Variants in DPP8 observed in about 807,000 individuals in gnomAD.
The protein encoded by DPP8 is dipeptidyl peptidase 8.
Under a neutral mutation model 107.5 loss-of-function variants are expected in DPP8, and 31 were observed. The ratio of observed to expected loss-of-function variants is 0.29; its 90% CI spans 0.22 to 0.39. The LOEUF is 0.39. DPP8 is among the 10% of genes least tolerant of loss of function. DPP8 has a pLI of 1.00. For synonymous variants in DPP8, 381 were observed against 356.6 expected (o/e 1.07, Z -0.77); for missense variants, 842 against 1,076.1 (o/e 0.78, Z 3.04).
chr15:65,492,747 AC>A (rs1014622172), intron 5 of DPP8, among the ~76,000 whole-genome samples: 1 of 151,874 alleles, frequency 6.6e-6, no homozygotes, highest in African/African-American at 2.4e-5. Context: ...GGCATATGTC[AC>A]TAAGCCCAGC....
intron 10 of DPP8, among the ~76,000 whole-genome samples, chr15:65,479,704 C>A (rs1482882211): frequency 6.6e-6 from 1 of 151,096 alleles, no homozygotes; most frequent in Non-Finnish European, 1.5e-5. Flanking sequence ...ATTAGCCGGG[C>A]GCGGTGGCGG....
chr15:65,471,394 T>C (rs1383265106), intron 12 of DPP8, among the ~76,000 whole-genome samples: 1 of 152,108 alleles, frequency 6.6e-6, no homozygotes, highest in East Asian at 1.9e-4. Flanking sequence ...ACACCCAGGC[T>C]ATAGCATAGC....
intron 12 of DPP8, among the ~76,000 whole-genome samples, chr15:65,470,560 C>T (rs189741764): frequency 1.4e-5 from 2 of 145,180 alleles, no homozygotes; most frequent in East Asian, 2.1e-4. Flanking sequence ...GAGCCAACAT[C>T]GCACCATTGC....
chr15:65,496,386 A>C (rs1329512698), intron 5 of DPP8, among the ~76,000 whole-genome samples: 3 of 152,188 alleles, frequency 2.0e-5, no homozygotes, highest in Admixed American at 6.5e-5. Context: ...AAAGTTAGAC[A>C]AAAGAATTTT....
chr15:65,510,141 C>T (rs2070577340), intron 2 of DPP8, among the ~76,000 whole-genome samples: 2 of 151,920 alleles, frequency 1.3e-5, no homozygotes, highest in South Asian at 2.1e-4. Context: ...TGGCGAAACC[C>T]GTCTCTACAA....
chr15:65,498,291 G>A (rs1350887841), intron 4 of DPP8, among the ~76,000 whole-genome samples: 1 of 151,978 alleles, frequency 6.6e-6, no homozygotes, highest in Non-Finnish European at 1.5e-5. Flanking sequence ...GCATAGTGGT[G>A]GGCACCTGTA....
At chr15:65,504,538 C>T (rs1260714929) in intron 3 of DPP8, among the ~76,000 whole-genome samples, 1 of 146,528 alleles carries the variant, frequency 6.8e-6, no homozygotes, top group Middle Eastern at 3.5e-3. Flanking sequence ...GGCCTGGTGG[C>T]GCACGCTATA....
intron 7 of DPP8, among the ~76,000 whole-genome samples, chr15:65,487,000 A>G (rs1014668562): frequency 1.3e-5 from 2 of 151,734 alleles, no homozygotes; most frequent in African/African-American, 4.9e-5. Flanking sequence ...AATAAAAAAA[A>G]GGGGGGCTGA....
chr15:65,487,873 A>G, intron 6 of DPP8, 55 bp from the exon 7 acceptor site: 1 of 1,215,322 alleles, frequency 8.2e-7, no homozygotes, highest in Non-Finnish European at 1.2e-6. Flanking sequence ...GAGAGTAGTC[A>G]TAACCAACCG....
chr15:65,505,677 G>A (rs2069871535), intron 3 of DPP8, among the ~76,000 whole-genome samples: 1 of 152,152 alleles, frequency 6.6e-6, no homozygotes, highest in Non-Finnish European at 1.5e-5. Context: ...GTGGCCAGGT[G>A]CAGTGGCTCA....
chr15:65,507,143 T>C (rs2070134413), intron 3 of DPP8, 100 bp downstream of exon 3: 5 of 593,860 alleles, frequency 8.4e-6, no homozygotes, highest in South Asian at 3.4e-5. Flanking sequence ...CTTAATTTTT[T>C]TTATTTACAT....
intron 15 of DPP8, chr15:65,459,463 C>G (rs2064730127): frequency 6.6e-6 from 1 of 152,148 alleles, no homozygotes; most frequent in Admixed American, 6.6e-5. Flanking sequence ...CCACCACACC[C>G]AGCCCAGATT....
chr15:65,483,789 G>A (rs2067156516), intron 8 of DPP8, among the ~76,000 whole-genome samples: 1 of 151,948 alleles, frequency 6.6e-6, no homozygotes, highest in Non-Finnish European at 1.5e-5. Context: ...CATACTCATG[G>A]CAGCATTATT....
intron 1 of DPP8, among the ~76,000 whole-genome samples, chr15:65,513,661 C>A (rs1224392585): frequency 6.6e-6 from 1 of 152,116 alleles, no homozygotes; most frequent in Non-Finnish European, 1.5e-5. Context: ...ATATTTGTAC[C>A]AACAGTATTT....
Position 65,456,935 on chromosome 15 carries a change from C to G in DPP8, c.1972-564G>C, listed in dbSNP as rs189459403. Among the ~76,000 whole-genome samples, 528 of 152,322 alleles carry G rather than the reference C, an allele frequency of 3.5e-3. 2 individuals carry two copies. The highest frequency in any genetic ancestry group is 0.012 in the African/African-American group (498 of 41,580). ...CCAGGAACTTGACATTTACCGTTTT[C>G]TGTGTCTGGAATGCTTTTCTCTCAC... On this transcript the variant is annotated intron_variant, in intron 15 of 19. Coordinates refer to ENST00000300141, the MANE Select transcript of DPP8 (RefSeq NM_130434.5).
chr15:65,511,060 C>T (rs559601139), intron 2 of DPP8, among the ~76,000 whole-genome samples: 3 of 152,140 alleles, frequency 2.0e-5, no homozygotes, highest in African/African-American at 7.2e-5. Context: ...TAATATCAAT[C>T]AAAATTCAAA....
At chr15:65,479,641 G>A (rs1010284664) in intron 10 of DPP8, among the ~76,000 whole-genome samples, 6 of 151,486 alleles carry the variant, frequency 4.0e-5, no homozygotes, top group African/African-American at 1.2e-4. Flanking sequence ...TCAGGAGATC[G>A]AGACCATCCT....
chr15:65,486,750 A>G (rs1274296263), intron 7 of DPP8, among the ~76,000 whole-genome samples: 1 of 152,218 alleles, frequency 6.6e-6, no homozygotes, highest in Non-Finnish European at 1.5e-5. Flanking sequence ...ACCAAGTATC[A>G]TGTTCTCACT....
intron 11 of DPP8, chr15:65,475,343 A>G: frequency 2.4e-6 from 3 of 1,244,602 alleles, no homozygotes; most frequent in Non-Finnish European, 3.5e-6. Context: ...AGCCAGCTTT[A>G]TCTTCTGAGT....
Sources: allele counts gnomAD v4.1 joint callset (sites outside exome capture counted in the v4.1 genomes callset), GRCh38; gene constraint gnomAD v4.1.1; transcripts MANE v1.5; gene names NCBI Gene and HGNC (gene_info 2026-07-23, HGNC 2026-07-21).